The following STK17B variants were observed in gnomAD, a reference collection of about 807,000 sequenced individuals.
STK17B encodes serine/threonine kinase 17b, also known as serine/threonine-protein kinase 17B.
Under a neutral mutation model 42.0 loss-of-function variants are expected in STK17B, and 21 were observed. The ratio of observed to expected loss-of-function variants is 0.50; its 90% CI spans 0.35 to 0.72. The LOEUF (loss-of-function observed/expected upper bound fraction) is 0.72, where lower values mean the gene tolerates loss of function less well. Ranked by LOEUF, STK17B falls within the 30% of genes least tolerant of loss-of-function variation. The pLI is 0.00. For missense variants in STK17B, 349 were observed against 446.0 expected (o/e 0.78, Z 1.96); for synonymous variants, 143 against 148.4 (o/e 0.96, Z 0.26).
Position 196,137,262 on chromosome 2 carries a change from T to G in STK17B, c.*185A>C. 1 of 585,218 alleles carries G rather than the reference T, an allele frequency of 1.7e-6. No individual in the cohort carries two copies. Among genetic ancestry groups the G allele is most frequent in the Non-Finnish European group, 2.8e-6 (1 of 355,016 alleles). The allele number at this position is 585,218 out of a possible 1,614,324, so 36.3% of individuals were successfully genotyped here. On this transcript the variant is annotated 3_prime_UTR_variant, in exon 8 of 8. Transcript: ENST00000263955. Reference sequence around the variant, plus strand: ...AAATATTTTCTTATCTGCAGAGCTATCTCAGGATATGAAATCATAACATGC... The same window carrying G: ...AAATATTTTCTTATCTGCAGAGCTAGCTCAGGATATGAAATCATAACATGC...
intron 1 of STK17B, among the ~76,000 whole-genome samples, chr2:196,169,639 A>G (rs569073015): frequency 6.6e-6 from 1 of 152,378 alleles, no homozygotes; most frequent in South Asian, 2.1e-4. Context: ...AACGTCAGCC[A>G]TAAAAATGCT....
chr2:196,138,622 C>T (rs1341933804), intron 7 of STK17B, among the ~76,000 whole-genome samples: 2 of 151,616 alleles, frequency 1.3e-5, no homozygotes, highest in Admixed American at 6.6e-5. Context: ...GTCACCCAGG[C>T]TGGAGTGCAG....
chr2:196,165,038 C>G (rs940775670), intron 1 of STK17B, among the ~76,000 whole-genome samples: 3 of 152,170 alleles, frequency 2.0e-5, no homozygotes, highest in African/African-American at 7.2e-5. Context: ...AATTATTTAA[C>G]TTTGCTATTG....
chr2:196,167,602 T>G (rs1300044592), intron 1 of STK17B, among the ~76,000 whole-genome samples: 1 of 152,216 alleles, frequency 6.6e-6, no homozygotes, highest in Non-Finnish European at 1.5e-5. Context: ...CAGATAAAAT[T>G]ATTTTGTCAT....
chr2:196,139,862 A>G, intron 6 of STK17B, 63 bp from the exon 7 acceptor site: 4 of 1,225,012 alleles, frequency 3.3e-6, no homozygotes, highest in Non-Finnish European at 4.2e-6. Context: ...TACAAAGTAC[A>G]ATCGACATTC....
chr2:196,155,574 AAAAT>A (rs142034682), intron 3 of STK17B, among the ~76,000 whole-genome samples: 2,637 of 152,296 alleles, frequency 0.017, 68 homozygotes, highest in African/African-American at 0.06. Flanking sequence ...ATTTTTTACT[AAAAT>A]AAACACTTAT....
intron 7 of STK17B, 32 bp downstream of exon 7, chr2:196,139,588 T>C (rs1197808173): frequency 7.8e-7 from 1 of 1,288,696 alleles, no homozygotes. Flanking sequence ...CAAATTAAAT[T>C]TGTAATAGTA....
intron 6 of STK17B, 50 bp from the exon 7 acceptor site, chr2:196,139,849 T>C (rs892246567): frequency 6.3e-6 from 8 of 1,274,506 alleles, no homozygotes; most frequent in Non-Finnish European, 8.1e-6. Context: ...TTTTAAACAT[T>C]TATACAAAGT....
intron 5 of STK17B, among the ~76,000 whole-genome samples, chr2:196,142,291 C>G (rs1432377782): frequency 1.3e-5 from 2 of 152,186 alleles, no homozygotes; most frequent in African/African-American, 2.4e-5. Flanking sequence ...CTCCTGACTT[C>G]AAGTGATCCA....
intron 6 of STK17B, among the ~76,000 whole-genome samples, chr2:196,140,006 G>A (rs1194980160): frequency 2.0e-5 from 3 of 152,160 alleles, no homozygotes; most frequent in Non-Finnish European, 2.9e-5. Flanking sequence ...GGGAATGCAC[G>A]TGTTATATAA....
At chr2:196,140,490 A>G (rs970154493) in intron 6 of STK17B, among the ~76,000 whole-genome samples, 6 of 151,198 alleles carry the variant, frequency 4.0e-5, no homozygotes, top group African/African-American at 1.2e-4. Context: ...ACAAAAACTC[A>G]TAATTTCCCA....
At chr2:196,170,677 G>A (rs1046826868) in intron 1 of STK17B, among the ~76,000 whole-genome samples, 1 of 152,188 alleles carries the variant, frequency 6.6e-6, no homozygotes, top group Non-Finnish European at 1.5e-5. Context: ...ATAGTTTGAG[G>A]ATGAGTCGTG....
chr2:196,157,709 T>A (rs1288335255), intron 2 of STK17B, among the ~76,000 whole-genome samples: 1 of 152,192 alleles, frequency 6.6e-6, no homozygotes, highest in African/African-American at 2.4e-5. Context: ...TAGAAATAAG[T>A]ATGCTTTTAG....
upstream of STK17B, among the ~76,000 whole-genome samples, chr2:196,173,213 A>G (rs1254801868): frequency 1.3e-5 from 2 of 152,086 alleles, no homozygotes; most frequent in East Asian, 1.9e-4. Context: ...TCCTAGGGAT[A>G]TTGTCATGTC....
At position 196,156,559 on chromosome 2, in the gene STK17B, T is replaced by C. The variant is rs762441909; in HGVS notation, c.215A>G (p.Asp72Gly). The C allele has an allele frequency of 6.2e-7, 1 of 1,614,092 alleles. No homozygotes were observed. The highest frequency in any genetic ancestry group is 8.5e-7 in the Non-Finnish European group (1 of 1,179,992). The change falls in exon 3 of 8, where the codon GAT (aspartate) becomes GGT (glycine). Residue 72 changes from aspartate (D) to glycine (G), a missense_variant. This residue lies in a region of STK17B where 256 missense variants were observed against 347.7 expected (regional missense o/e 0.74). Coordinates refer to ENST00000263955, the MANE Select transcript of STK17B (RefSeq NM_004226.4). ...CTCGTGTAAAATTTCTGCTCGACAA[T>C]CCTGTCCTCTTCTTCTCTTTTTTAG... Reference protein sequence around the residue: ...KFLKKRRRGQDCRAEILHEIA... With the variant: ...KFLKKRRRGQGCRAEILHEIA...
At chr2:196,152,937 A>T (rs1004433301) in intron 3 of STK17B, 1 of 152,016 alleles carries the variant, frequency 6.6e-6, no homozygotes, top group Non-Finnish European at 1.5e-5. Context: ...TTAAAAAAAC[A>T]ATTATTTATT....
chr2:196,161,941 A>G (rs1007710453), intron 2 of STK17B, among the ~76,000 whole-genome samples: 1 of 152,230 alleles, frequency 6.6e-6, no homozygotes, highest in African/African-American at 2.4e-5. Flanking sequence ...TTCATGATTC[A>G]GTCAACTTTT....
intron 3 of STK17B, chr2:196,153,067 G>A (rs1371212005): frequency 1.3e-5 from 2 of 151,990 alleles, no homozygotes; most frequent in Non-Finnish European, 2.9e-5. Flanking sequence ...TTACAGGCAT[G>A]AGCTACTATG....
In STK17B at chr2:196,134,403, C is replaced by G. The variant is rs1699366636; in HGVS notation, c.*3044G>C. The G allele has an allele frequency of 6.6e-6, 1 of 152,202 alleles. No homozygotes were observed. Among genetic ancestry groups the G allele is most frequent in the South Asian group, 2.1e-4 (1 of 4,832 alleles). The allele number at this position is 152,202 out of a possible 1,614,324, so 9.4% of individuals were successfully genotyped here. On this transcript the variant is annotated 3_prime_UTR_variant, in exon 8 of 8. Transcript: ENST00000263955. ...GATTCTCAAAGGAGCTCGAATCCTG[C>G]TGTGAACCACACGTGCAAGAGATCT...
Sources: gnomAD v4.1 joint callset for allele counts (sites outside exome capture counted in the v4.1 genomes callset) on GRCh38, gnomAD v4.1.1 for gene constraint, gnomAD v4.1.1 regional missense constraint, MANE v1.5 for transcripts, NCBI Gene and HGNC (gene_info 2026-07-23, HGNC 2026-07-21) for gene names.